RAPGEF5: variants seen among roughly 807,000 people sequenced by gnomAD.
RAPGEF5 encodes the protein M-Ras-regulated GEF.
Under a neutral mutation model 125.2 loss-of-function variants are expected in RAPGEF5, and 65 were observed. The observed-to-expected ratio is 0.52, with a 90% CI of 0.43 to 0.64. The LOEUF (loss-of-function observed/expected upper bound fraction) is 0.64. RAPGEF5 is among the 30% of genes least tolerant of loss of function. The probability of loss-of-function intolerance (pLI) is 0.00; values close to 1 mark genes in which losing one functional copy is unlikely to be tolerated. For synonymous variants in RAPGEF5, 391 were observed against 385.9 expected (o/e 1.01, Z -0.16); for missense variants, 958 against 1,048.1 (o/e 0.91, Z 1.19).
rs1427103900 is a variant in RAPGEF5 at position 22,247,432 on chromosome 7, T to C, written c.797-16513A>G. ...GAGGTAACTAAATCATGGAGGTGGG[T>C]TTTTCATGTGCTGTTGTTTGTGACA... On this transcript the variant is annotated intron_variant, in intron 7 of 25. Transcript: ENST00000665637. Among the ~76,000 whole-genome samples the C allele has an allele frequency of 2.6e-5, 4 of 151,904 alleles. No homozygotes were observed. In the East Asian group the frequency reaches 7.7e-4, roughly 29 times the overall value.
intron 11 of RAPGEF5, among the ~76,000 whole-genome samples, chr7:22,182,279 G>C (rs1583456699): frequency 6.6e-6 from 1 of 152,198 alleles, no homozygotes. Context: ...AACACAGAAA[G>C]AGAAAGAAGG....
chr7:22,143,768 C>A (rs1751206322), intron 20 of RAPGEF5, among the ~76,000 whole-genome samples: 2 of 152,186 alleles, frequency 1.3e-5, no homozygotes, highest in African/African-American at 4.8e-5. Flanking sequence ...TCTAAAGCCT[C>A]AACAGACTTA....
At chr7:22,218,793 T>G (rs1447438382) in intron 9 of RAPGEF5, among the ~76,000 whole-genome samples, 1 of 152,200 alleles carries the variant, frequency 6.6e-6, no homozygotes, top group Non-Finnish European at 1.5e-5. Context: ...CATCCACACT[T>G]AAAGTCAATA....
At chr7:22,251,488 G>A (rs932679556) in intron 7 of RAPGEF5, among the ~76,000 whole-genome samples, 1 of 152,140 alleles carries the variant, frequency 6.6e-6, no homozygotes, top group African/African-American at 2.4e-5. Flanking sequence ...AGGGAACCAA[G>A]GACAAAGGAG....
At chr7:22,277,939 G>A (rs1225734948) in intron 6 of RAPGEF5, among the ~76,000 whole-genome samples, 2 of 152,168 alleles carry the variant, frequency 1.3e-5, no homozygotes, top group Non-Finnish European at 2.9e-5. Context: ...TGTAATATGT[G>A]CAGGTACCAA....
intron 11 of RAPGEF5, among the ~76,000 whole-genome samples, chr7:22,178,774 T>C (rs1375876960): frequency 1.3e-5 from 2 of 152,170 alleles, no homozygotes; most frequent in Non-Finnish European, 2.9e-5. Flanking sequence ...TAGGTAGGCA[T>C]GATTGATTAA....
intron 7 of RAPGEF5, among the ~76,000 whole-genome samples, chr7:22,257,233 A>G (rs755270517): frequency 3.9e-5 from 6 of 152,116 alleles, no homozygotes; most frequent in Non-Finnish European, 1.5e-5. Flanking sequence ...ATACTTTTTT[A>G]TTTGATGTAT....
intron 11 of RAPGEF5, chr7:22,191,566 A>G: frequency 2.1e-6 from 1 of 471,160 alleles, no homozygotes; most frequent in Non-Finnish European, 4.4e-6. Context: ...AGGAGAGTCA[A>G]GCCATGAAGT....
rs187794249 is a variant in RAPGEF5, at chr7:22,252,862, T to G, written c.796+14102A>C. 9.3e-4 allele frequency among the ~76,000 whole-genome samples: 141 copies of G among 152,318 alleles called. 1 individual carries two copies. The highest frequency in any genetic ancestry group is 3.2e-3 in the African/African-American group (134 of 41,574). ...TTTACCAGTGCTATTACTTTCTTGA[T>G]TGTAAGAATTTTACATTTTCAAATA... On this transcript the variant is annotated intron_variant, in intron 7 of 25. Transcript: ENST00000665637.
chr7:22,231,060 T>C (rs924840815), intron 7 of RAPGEF5, 141 bp from the exon 8 acceptor site: 1 of 815,438 alleles, frequency 1.2e-6, no homozygotes, highest in African/African-American at 1.7e-5. Context: ...TTTTTGTTAA[T>C]CAAATGTGAA....
At chr7:22,223,530 C>A (rs955209) in intron 8 of RAPGEF5, among the ~76,000 whole-genome samples, 1 of 152,098 alleles carries the variant, frequency 6.6e-6, no homozygotes, top group African/African-American at 2.4e-5. Flanking sequence ...TTTAACATGA[C>A]GGCTATTCCA....
intron 7 of RAPGEF5, among the ~76,000 whole-genome samples, chr7:22,265,331 G>A (rs769266234): frequency 6.6e-6 from 1 of 152,064 alleles, no homozygotes; most frequent in African/African-American, 2.4e-5. Context: ...TTTTCTCGCT[G>A]CCACATATGA....
chr7:22,307,816 T>A (rs1209790064), intron 5 of RAPGEF5, among the ~76,000 whole-genome samples: 1 of 152,202 alleles, frequency 6.6e-6, no homozygotes, highest in African/African-American at 2.4e-5. Context: ...CAAAGTCATG[T>A]CAGAATCACC....
chr7:22,259,778 GACA>G (rs1782103336), intron 7 of RAPGEF5, among the ~76,000 whole-genome samples: 2 of 152,218 alleles, frequency 1.3e-5, no homozygotes, highest in South Asian at 4.1e-4. Flanking sequence ...TTATGGAAAA[GACA>G]ACAACTACGG....
chr7:22,171,885 C>T (rs2128117553), intron 11 of RAPGEF5, among the ~76,000 whole-genome samples: 1 of 152,296 alleles, frequency 6.6e-6, no homozygotes, highest in Non-Finnish European at 1.5e-5. Flanking sequence ...GGACTATCCT[C>T]CCCACTCCAA....
intron 7 of RAPGEF5, among the ~76,000 whole-genome samples, chr7:22,238,629 T>C (rs527701205): frequency 2.0e-4 from 31 of 152,356 alleles, no homozygotes; most frequent in African/African-American, 7.5e-4. Flanking sequence ...TTTATAACTT[T>C]TCAGTAAGTG....
chr7:22,144,693 T>C (rs1562714777), intron 20 of RAPGEF5, among the ~76,000 whole-genome samples: 2 of 152,154 alleles, frequency 1.3e-5, no homozygotes, highest in Non-Finnish European at 2.9e-5. Flanking sequence ...TGACGTGTAA[T>C]GATTCCCACT....
chr7:22,135,252 G>C (rs78638521), intron 23 of RAPGEF5, among the ~76,000 whole-genome samples: 2,886 of 152,252 alleles, frequency 0.019, 89 homozygotes, highest in African/African-American at 0.067. Flanking sequence ...CTGGATGAAA[G>C]AGTATTCCTA....
At position 22,338,986 on chromosome 7, in the gene RAPGEF5, G is replaced by A. The variant is rs540729203; in HGVS notation, c.231+17844C>T. Among the ~76,000 whole-genome samples the A allele has an allele frequency of 7.9e-5, 12 of 152,334 alleles. No individual in the cohort carries two copies. In the East Asian group the frequency reaches 2.1e-3, roughly 27 times the overall value. ...AATTCATAGAAAAAACCTGAAGCTGGTGATCAGCAGCTTCCAGATAAGATC... is the reference window on the plus strand; with the variant it reads ...AATTCATAGAAAAAACCTGAAGCTGATGATCAGCAGCTTCCAGATAAGATC... On this transcript the variant is annotated intron_variant, in intron 1 of 25. Transcript: ENST00000665637.
Sources: gnomAD v4.1 joint callset for allele counts (sites outside exome capture counted in the v4.1 genomes callset) on GRCh38, gnomAD v4.1.1 for gene constraint, MANE v1.5 for transcripts, NCBI Gene and HGNC (gene_info 2026-07-23, HGNC 2026-07-21) for gene names.